The following DAW1 variants were observed in gnomAD, a reference collection of about 807,000 sequenced individuals.
The protein encoded by DAW1 is dynein assembly factor with WD repeats 1.
A neutral mutation model predicts 56.5 loss-of-function variants in DAW1; 47 were observed. The ratio of observed to expected loss-of-function variants is 0.83; its 90% CI spans 0.66 to 1.06. DAW1 has a LOEUF of 1.06. DAW1 is among the 50% of genes least tolerant of loss of function. The probability of loss-of-function intolerance (pLI) is 0.00; values close to 1 mark genes in which losing one functional copy is unlikely to be tolerated. For synonymous variants in DAW1, 190 were observed against 179.0 expected, an observed-to-expected ratio of 1.06 and a Z score of -0.49; for missense variants, 505 against 499.3, an observed-to-expected ratio of 1.01 and a Z score of -0.11.
rs146869752 is a variant in DAW1, at chr2:227,894,801, G to A, written c.440+884G>A. ...TCCCATGGCACCCTGAACATCTATA[G>A]CAGTGAACATACCCGCCGGAATGGG... On this transcript the variant is annotated intron_variant, in intron 5 of 12. Transcript: ENST00000309931. 5.3e-5 allele frequency among the ~76,000 whole-genome samples: 8 copies of A among 152,310 alleles called. 1 individual carries two copies. The East Asian group carries it at 1.5e-3, about 29-fold the overall frequency.
rs551960930 is a variant in DAW1 at position 227,876,635 on chromosome 2, T to G, written c.40+4906T>G. 14 of 496,858 alleles carry G rather than the reference T, an allele frequency of 2.8e-5. No individual in the cohort carries two copies. The East Asian group carries it at 1.0e-3, about 37-fold the overall frequency. 30.8% of individuals were successfully genotyped at this position (496,858 alleles called of 1,614,324 possible). ...TAATTTTCGCCCTCCCACTTTCTTT[T>G]GAATAACGTATAGGTCAGGGGCATT... On this transcript the variant is annotated intron_variant, in intron 1 of 12. Transcript: ENST00000309931.
At position 227,923,974 on chromosome 2, in the gene DAW1, G is replaced by T. The variant is rs1426717037; in HGVS notation, c.*6G>T. On this transcript the variant is annotated 3_prime_UTR_variant, in exon 13 of 13. Transcript: ENST00000309931. ...CCTGTAGGATATGGCGTTGACTGAAGGAAGCTGGTCAGTGAGCAACCTTGC... is the reference window on the plus strand; with the variant it reads ...CCTGTAGGATATGGCGTTGACTGAATGAAGCTGGTCAGTGAGCAACCTTGC... 6.2e-7 allele frequency: 1 copy of T among 1,613,930 alleles called. No homozygotes were observed. Among genetic ancestry groups the T allele is most frequent in the African/African-American group, 1.3e-5 (1 of 74,912 alleles).
At chr2:227,875,808 G>A (rs969856519) in intron 1 of DAW1, among the ~76,000 whole-genome samples, 1 of 152,068 alleles carries the variant, frequency 6.6e-6, no homozygotes, top group African/African-American at 2.4e-5. Flanking sequence ...AAAGATTGAC[G>A]AAGGCAGGAA....
chr2:227,900,354 A>G (rs994421202), intron 6 of DAW1, among the ~76,000 whole-genome samples: 7 of 152,292 alleles, frequency 4.6e-5, no homozygotes, highest in African/African-American at 1.7e-4. Flanking sequence ...TTCACAGTCA[A>G]CAACATCCAT....
intron 12 of DAW1, among the ~76,000 whole-genome samples, chr2:227,921,995 A>T (rs1419052248): frequency 3.3e-5 from 5 of 152,344 alleles, no homozygotes; most frequent in South Asian, 2.1e-4. Context: ...CTACAAAAAA[A>T]ATAGAGCATT....
chr2:227,886,077 C>T (rs987698769), intron 2 of DAW1, among the ~76,000 whole-genome samples: 3 of 149,900 alleles, frequency 2.0e-5, no homozygotes, highest in African/African-American at 4.9e-5. Flanking sequence ...TGAGTTCAAG[C>T]GATTCTCTGT....
chr2:227,903,104 T>C lies in DAW1; in HGVS notation c.643T>C (p.Leu215=). Residue 215 remains leucine (L), a synonymous_variant, in exon 7 of 13, where the codon TTA becomes CTA. Coordinates refer to ENST00000309931, the MANE Select transcript of DAW1 (RefSeq NM_178821.3). The part of the protein sequence containing the change: ...DIQNGEEVYT[L]RGHSAEIISL... ...TCAGAATGGCGAGGAAGTTTACACC[T>C]TAAGAGTATGTCAATAATGTTAATA... 6.2e-7 allele frequency: 1 copy of C among 1,613,802 alleles called. No homozygotes were observed. Among genetic ancestry groups the C allele is most frequent in the Non-Finnish European group, 8.5e-7 (1 of 1,179,702 alleles).
At chr2:227,923,438 T>C (rs1161648531) in intron 12 of DAW1, among the ~76,000 whole-genome samples, 1 of 152,202 alleles carries the variant, frequency 6.6e-6, no homozygotes, top group Non-Finnish European at 1.5e-5. Flanking sequence ...CTTCTTATAT[T>C]GATGTTATGT....
At chr2:227,878,495 G>A (rs1311109366) in intron 1 of DAW1, among the ~76,000 whole-genome samples, 1 of 152,230 alleles carries the variant, frequency 6.6e-6, no homozygotes, top group Non-Finnish European at 1.5e-5. Flanking sequence ...GCTGAGGCAG[G>A]AGGATGGCTT....
rs1008627715 is a variant in DAW1, at chr2:227,898,477, C to T, written c.540+196C>T. On this transcript the variant is annotated intron_variant, in intron 6 of 12. Coordinates refer to ENST00000309931, the MANE Select transcript of DAW1 (RefSeq NM_178821.3). ...CTGGGACTACGGGCGCCCGCCACCA[C>T]GCCCCGCTAATTTTTTGTATTTTTA... is the stretch of plus-strand genomic sequence containing the variant. Among the ~76,000 whole-genome samples, 19 of 151,956 alleles carry T rather than the reference C, an allele frequency of 1.3e-4. No homozygotes were observed. The East Asian group carries it at 2.5e-3, about 20-fold the overall frequency.
At chr2:227,898,407 G>A (rs1057076716) in intron 6 of DAW1, 126 bp downstream of exon 6, 27 of 346,022 alleles carry the variant, frequency 7.8e-5, no homozygotes, top group Non-Finnish European at 1.2e-4. Context: ...TGCAAGCTCC[G>A]CCTCCTGGGT....
chr2:227,903,353 C>T (rs1193758127), intron 7 of DAW1, among the ~76,000 whole-genome samples: 2 of 152,108 alleles, frequency 1.3e-5, no homozygotes, highest in Non-Finnish European at 2.9e-5. Flanking sequence ...TCTTAGAACC[C>T]ATCACCATCT....
chr2:227,890,400 TTGTA>T (rs1320988369), intron 3 of DAW1, among the ~76,000 whole-genome samples: 2 of 152,218 alleles, frequency 1.3e-5, no homozygotes, highest in African/African-American at 4.8e-5. Flanking sequence ...AATTATTTAT[TTGTA>T]TGACATATAA....
chr2:227,881,770 T>G (rs1163042929), intron 1 of DAW1, among the ~76,000 whole-genome samples: 1 of 102,120 alleles, frequency 9.8e-6, no homozygotes, highest in Non-Finnish European at 2.1e-5. Flanking sequence ...TTTTTTTTTT[T>G]GAGATAGAGT....
chr2:227,878,482 G>A (rs1690938015), intron 1 of DAW1, among the ~76,000 whole-genome samples: 1 of 152,224 alleles, frequency 6.6e-6, no homozygotes, highest in African/African-American at 2.4e-5. Flanking sequence ...AGCACTTTGA[G>A]AGGCTGAGGC....
intron 10 of DAW1, among the ~76,000 whole-genome samples, chr2:227,908,805 T>G (rs1691746887): frequency 6.6e-6 from 1 of 152,208 alleles, no homozygotes; most frequent in South Asian, 2.1e-4. Flanking sequence ...TAAGTCTATG[T>G]CATATCGACA....
intron 1 of DAW1, among the ~76,000 whole-genome samples, chr2:227,884,000 A>G (rs567656278): frequency 6.6e-6 from 1 of 152,160 alleles, no homozygotes; most frequent in Non-Finnish European, 1.5e-5. Flanking sequence ...ACTAGTTTAT[A>G]TCCACAGGCA....
intron 4 of DAW1, among the ~76,000 whole-genome samples, chr2:227,893,254 A>G (rs1321247644): frequency 1.5e-5 from 2 of 136,662 alleles, no homozygotes; most frequent in Non-Finnish European, 3.1e-5. Flanking sequence ...TGGGTGACAG[A>G]GCAAGACTCT....
intron 4 of DAW1, 152 bp downstream of exon 4, chr2:227,891,465 C>A: frequency 1.5e-6 from 1 of 659,190 alleles, no homozygotes; most frequent in Non-Finnish European, 2.5e-6. Flanking sequence ...ACCCTTTCTC[C>A]CACTCTTCTA....
Sources: gnomAD v4.1 joint callset for allele counts (sites outside exome capture counted in the v4.1 genomes callset) on GRCh38, gnomAD v4.1.1 for gene constraint, MANE v1.5 for transcripts, NCBI Gene and HGNC (gene_info 2026-07-23, HGNC 2026-07-21) for gene names.